The following CDH19 variants were observed in gnomAD, a reference collection of about 807,000 sequenced individuals.
CDH19 encodes the protein cadherin 19, also known as cadherin-19.
CDH19 carries 67 observed loss-of-function variants against 64.2 expected under a neutral mutation model. The observed-to-expected ratio is 1.04, with a 90% confidence interval of 0.86 to 1.28. The LOEUF is 1.28. Among genes scored for constraint, CDH19 ranks in the 50% most tolerant of loss-of-function variants. CDH19 has a pLI of 0.00. For missense variants in CDH19, 1,030 were observed against 929.0 expected (o/e 1.11, Z -1.41); for synonymous variants, 346 against 319.3 (o/e 1.08, Z -0.89).
chr18:66,600,997 C>T (rs1989024527), intron 1 of CDH19, among the ~76,000 whole-genome samples: 1 of 151,808 alleles, frequency 6.6e-6, no homozygotes, highest in Non-Finnish European at 1.5e-5. Context: ...TTACATTTTG[C>T]TTTACCAGTT....
intron 1 of CDH19, among the ~76,000 whole-genome samples, chr18:66,600,227 A>G (rs754950624): frequency 6.6e-6 from 1 of 151,918 alleles, no homozygotes; most frequent in Non-Finnish European, 1.5e-5. Context: ...CAAATTGTCA[A>G]TAAGTATACA....
intron 5 of CDH19, among the ~76,000 whole-genome samples, chr18:66,546,901 A>C (rs1987138779): frequency 6.6e-6 from 1 of 152,122 alleles, no homozygotes; most frequent in Non-Finnish European, 1.5e-5. Context: ...AGAAACACTA[A>C]GATTTCAAGA....
chr18:66,590,695 C>T (rs1890002111), intron 1 of CDH19, among the ~76,000 whole-genome samples: 1 of 151,904 alleles, frequency 6.6e-6, no homozygotes, highest in African/African-American at 2.4e-5. Flanking sequence ...CAAATGTTAT[C>T]ACTATGTAAA....
intron 5 of CDH19, among the ~76,000 whole-genome samples, chr18:66,548,653 A>T (rs1229422954): frequency 6.6e-6 from 1 of 152,180 alleles, no homozygotes; most frequent in Non-Finnish European, 1.5e-5. Flanking sequence ...CATTCCACTT[A>T]GGTTATTGAT....
intron 7 of CDH19, among the ~76,000 whole-genome samples, chr18:66,541,138 C>T (rs527442457): frequency 2.0e-4 from 30 of 152,138 alleles, no homozygotes; most frequent in African/African-American, 6.5e-4. Context: ...AAGAGTATTT[C>T]GTTACACCAG....
chr18:66,543,916 T>C, intron 7 of CDH19, 55 bp downstream of exon 7: 1 of 1,263,802 alleles, frequency 7.9e-7, no homozygotes, highest in Non-Finnish European at 1.1e-6. Context: ...ATTTTATTTT[T>C]AATCTATTTT....
chr18:66,517,415 A>G (rs940020728), intron 9 of CDH19, among the ~76,000 whole-genome samples: 7 of 152,132 alleles, frequency 4.6e-5, no homozygotes, highest in Admixed American at 2.0e-4. Context: ...TTGAAAAATG[A>G]TAACTATTTG....
At chr18:66,568,136 T>C (rs568485498) in intron 3 of CDH19, among the ~76,000 whole-genome samples, 166 of 151,982 alleles carry the variant, frequency 1.1e-3, no homozygotes, top group African/African-American at 3.9e-3. Context: ...AAGAACCTAG[T>C]AAATGAACAA....
At chr18:66,594,046 C>T (rs1988815244) in intron 1 of CDH19, among the ~76,000 whole-genome samples, 1 of 152,112 alleles carries the variant, frequency 6.6e-6, no homozygotes, top group South Asian at 2.1e-4. Flanking sequence ...TGTACAATGA[C>T]ACCCACAGGC....
intron 1 of CDH19, among the ~76,000 whole-genome samples, chr18:66,597,859 A>G (rs1216445798): frequency 6.6e-6 from 1 of 152,070 alleles, no homozygotes; most frequent in African/African-American, 2.4e-5. Flanking sequence ...ACCTGGACAC[A>G]AGAAGGGGAA....
chr18:66,553,631 C>T (rs950419699), intron 4 of CDH19, among the ~76,000 whole-genome samples: 1 of 133,522 alleles, frequency 7.5e-6, no homozygotes, highest in African/African-American at 3.5e-5. Context: ...ACTTCTTTGG[C>T]ACTTCTCACG....
chr18:66,546,715 G>T (rs1599002520), intron 5 of CDH19, among the ~76,000 whole-genome samples: 1 of 152,104 alleles, frequency 6.6e-6, no homozygotes, highest in African/African-American at 2.4e-5. Context: ...TAAAATTAAA[G>T]ATAAGGTGTA....
chr18:66,602,166 T>A (rs550332313), intron 1 of CDH19, among the ~76,000 whole-genome samples: 1 of 152,108 alleles, frequency 6.6e-6, no homozygotes, highest in South Asian at 2.1e-4. Flanking sequence ...GAAAGATCAA[T>A]ATCTCCTTTT....
rs955626009 is a variant in CDH19, at chr18:66,544,027, T to A, written c.1158A>T (p.Gly386=). The A allele has an allele frequency of 6.2e-7, 1 of 1,613,702 alleles. No individual in the cohort carries two copies. The highest frequency in any genetic ancestry group is 8.5e-7 in the Non-Finnish European group (1 of 1,179,608). Residue 386 remains glycine, a synonymous_variant, in exon 7 of 12, where the codon GGA becomes GGT. Coordinates refer to ENST00000262150, the MANE Select transcript of CDH19 (RefSeq NM_021153.4). ...VFEVFEETPQ[G]SFVGVVSATD... ...TGGCAGACACCACGCCTACAAATGA[T>A]CCCTGTGGGGTTTCTTCAAAAACTT...
chr18:66,559,077 T>C (rs1987624756), intron 3 of CDH19, among the ~76,000 whole-genome samples: 1 of 152,068 alleles, frequency 6.6e-6, no homozygotes, highest in African/African-American at 2.4e-5. Flanking sequence ...AACCCACTCA[T>C]CACTATGAAT....
chr18:66,592,797 C>T (rs112220841), intron 1 of CDH19, among the ~76,000 whole-genome samples: 2,673 of 151,744 alleles, frequency 0.018, 87 homozygotes, highest in South Asian at 0.1. Flanking sequence ...TTGATGGACA[C>T]TTAGTTTTCT....
At chr18:66,505,835 T>G (rs1598962134) in intron 11 of CDH19, among the ~76,000 whole-genome samples, 1 of 151,912 alleles carries the variant, frequency 6.6e-6, no homozygotes, top group Non-Finnish European at 1.5e-5. Flanking sequence ...CATCAGGCAT[T>G]CTTCTAAAAG....
At chr18:66,544,664 T>G in intron 6 of CDH19, 55 bp downstream of exon 6, 1 of 1,200,130 alleles carries the variant, frequency 8.3e-7, no homozygotes, top group South Asian at 1.6e-5. Flanking sequence ...ACACAAAATA[T>G]GTTATGTTTT....
intron 8 of CDH19, among the ~76,000 whole-genome samples, chr18:66,531,085 A>G (rs907713088): frequency 1.3e-5 from 2 of 152,102 alleles, no homozygotes; most frequent in East Asian, 3.9e-4. Flanking sequence ...AAAAATAACA[A>G]TGTAAACCGA....
Sources: allele counts gnomAD v4.1 joint callset (sites outside exome capture counted in the v4.1 genomes callset), GRCh38; gene constraint gnomAD v4.1.1; transcripts MANE v1.5; gene names NCBI Gene and HGNC (gene_info 2026-07-23, HGNC 2026-07-21).